POFUT3: variants seen among roughly 807,000 people sequenced by gnomAD.
The protein encoded by POFUT3 is protein O-fucosyltransferase 3, also known as GDP-fucose protein O-fucosyltransferase 3.
At chr8:33,462,744 A>G in the POFUT3 span, among the ~76,000 whole-genome samples, 1 of 152,088 alleles carries the variant, frequency 6.6e-6, no homozygotes, top group Non-Finnish European at 1.5e-5. Context: ...AGCCTGGGCA[A>G]CATAGTGAAA....
At chr8:33,453,742 T>C in the POFUT3 span, among the ~76,000 whole-genome samples, 1 of 152,182 alleles carries the variant, frequency 6.6e-6, no homozygotes, top group South Asian at 2.1e-4. Context: ...GACCAGGAGA[T>C]TGAGACCAGC....
At chr8:33,372,562 T>G in the POFUT3 span, 30 of 1,611,264 alleles carry the variant, frequency 1.9e-5, no homozygotes, top group Non-Finnish European at 2.4e-5. Context: ...TGTTTCATTC[T>G]GATCATTTTT....
chr8:33,409,339 G>A, the POFUT3 span, among the ~76,000 whole-genome samples: 3 of 152,222 alleles, frequency 2.0e-5, no homozygotes, highest in East Asian at 3.9e-4. Context: ...CTGACCTCAC[G>A]TGATCCACCC....
chr8:33,339,398 T>A, the POFUT3 span, among the ~76,000 whole-genome samples: 1 of 151,626 alleles, frequency 6.6e-6, no homozygotes, highest in Admixed American at 6.6e-5. Flanking sequence ...ATAGAGAAAA[T>A]GGATTGAAAT....
the POFUT3 span, among the ~76,000 whole-genome samples, chr8:33,339,262 A>G: frequency 6.6e-6 from 1 of 152,248 alleles, no homozygotes; most frequent in Admixed American, 6.5e-5. Flanking sequence ...AATGGAAATT[A>G]TAAAACTAAA....
the POFUT3 span, among the ~76,000 whole-genome samples, chr8:33,320,091 G>A: frequency 6.6e-6 from 1 of 151,854 alleles, no homozygotes; most frequent in African/African-American, 2.4e-5. Flanking sequence ...TCTAAGAACA[G>A]AGACTATGCC....
At chr8:33,329,896 T>C in the POFUT3 span, among the ~76,000 whole-genome samples, 1 of 152,318 alleles carries the variant, frequency 6.6e-6, no homozygotes, top group East Asian at 1.9e-4. Flanking sequence ...TCCTTTTTAC[T>C]TTGTAAGTCT....
the POFUT3 span, among the ~76,000 whole-genome samples, chr8:33,465,942 G>T: frequency 2.6e-5 from 4 of 152,188 alleles, no homozygotes; most frequent in East Asian, 7.7e-4. Flanking sequence ...GACAGAGTTT[G>T]GGATATTTTT....
the POFUT3 span, among the ~76,000 whole-genome samples, chr8:33,394,660 GC>G: frequency 2.1e-4 from 32 of 150,548 alleles, no homozygotes; most frequent in East Asian, 3.9e-3. Flanking sequence ...GAAAGGTTTT[GC>G]TCTTAAAAAT....
At chr8:33,385,978 A>G in the POFUT3 span, among the ~76,000 whole-genome samples, 2 of 152,026 alleles carry the variant, frequency 1.3e-5, no homozygotes, top group Non-Finnish European at 2.9e-5. Flanking sequence ...ACCTGAGGTC[A>G]GGAGTTCGAG....
the POFUT3 span, among the ~76,000 whole-genome samples, chr8:33,439,382 AAC>A: frequency 6.6e-6 from 1 of 151,916 alleles, no homozygotes; most frequent in Non-Finnish European, 1.5e-5. Flanking sequence ...CAGCCTGAAC[AAC>A]AGAGTAAGAC....
the POFUT3 span, among the ~76,000 whole-genome samples, chr8:33,363,303 C>G: frequency 6.6e-6 from 1 of 152,070 alleles, no homozygotes; most frequent in African/African-American, 2.4e-5. Flanking sequence ...ACTAAATGCC[C>G]ACTAGAGAAA....
the POFUT3 span, among the ~76,000 whole-genome samples, chr8:33,412,155 G>A: frequency 0.3 from 46,038 of 152,032 alleles, 7,098 homozygotes; most frequent in South Asian, 0.44. Context: ...GAACTGGGAC[G>A]GAAAATCCTC....
chr8:33,454,961 C>T, the POFUT3 span, among the ~76,000 whole-genome samples: 1 of 152,102 alleles, frequency 6.6e-6, no homozygotes, highest in South Asian at 2.1e-4. Context: ...CCACCACGCC[C>T]AGCCAGTTTT....
the POFUT3 span, chr8:33,372,528 A>G: frequency 6.4e-7 from 1 of 1,568,068 alleles, no homozygotes; most frequent in Non-Finnish European, 8.6e-7. Flanking sequence ...AACCTAGAAA[A>G]TAAACCTCAA....
chr8:33,317,767 G>A, the POFUT3 span, among the ~76,000 whole-genome samples: 1 of 151,976 alleles, frequency 6.6e-6, no homozygotes, highest in Non-Finnish European at 1.5e-5. Context: ...GCAAACCCCA[G>A]TTTGGGTCTG....
At chr8:33,359,386 T>C in the POFUT3 span, among the ~76,000 whole-genome samples, 1 of 152,212 alleles carries the variant, frequency 6.6e-6, no homozygotes, top group African/African-American at 2.4e-5. Flanking sequence ...TTCCTATAAT[T>C]GACTTTTAAC....
the POFUT3 span, among the ~76,000 whole-genome samples, chr8:33,380,013 T>C: frequency 3.3e-3 from 240 of 72,776 alleles, 10 homozygotes; most frequent in South Asian, 7.8e-3. Context: ...ACTATATATA[T>C]AGTATATATA....
the POFUT3 span, among the ~76,000 whole-genome samples, chr8:33,388,527 G>A: frequency 6.6e-6 from 1 of 151,732 alleles, no homozygotes; most frequent in Admixed American, 6.6e-5. Flanking sequence ...AGTAGAGATG[G>A]GGTTTTGCCA....
Sources: allele counts gnomAD v4.1 joint callset (sites outside exome capture counted in the v4.1 genomes callset), GRCh38; gene constraint gnomAD v4.1.1; transcripts MANE v1.5; gene names NCBI Gene and HGNC (gene_info 2026-07-23, HGNC 2026-07-21).